Variants in NHS observed in about 807,000 individuals in gnomAD.
NHS encodes actin remodeling regulator NHS.
A neutral mutation model predicts 72.5 loss-of-function variants in NHS; 5 were observed. The ratio of observed to expected loss-of-function variants is 0.07; its 90% CI spans 0.04 to 0.14. The LOEUF is 0.14. Ranked by LOEUF, NHS falls within the 10% of genes least tolerant of loss-of-function variation. The pLI is 1.00. For missense variants in NHS, 1,072 were observed against 1,355.7 expected (o/e 0.79, Z 3.29); for synonymous variants, 464 against 547.7 (o/e 0.85, Z 2.13).
Position 17,590,702 on chromosome X carries a change from T to G in NHS, c.566-97040T>G, listed in dbSNP as rs760463680. ...AAGCTGTCTTGCATTGTGCATGTAA[T>G]GATGTGGAAAACACTTATAAAATTA... is the stretch of plus-strand genomic sequence containing the variant. On this transcript the variant is annotated intron_variant, in intron 1 of 8. Coordinates refer to ENST00000676302, the MANE Select transcript of NHS (RefSeq NM_001291867.2). Among the ~76,000 whole-genome samples the G allele has an allele frequency of 3.0e-4, 33 of 111,775 alleles. 1 individual carries two copies. Among genetic ancestry groups the G allele is most frequent in the Admixed American group, 3.8e-4 (4 of 10,516 alleles).
Position 17,486,794 on chromosome X carries a change from T to C in NHS, c.565+110472T>C, listed in dbSNP as rs141929679. On this transcript the variant is annotated intron_variant, in intron 1 of 8. Coordinates refer to ENST00000676302, the MANE Select transcript of NHS (RefSeq NM_001291867.2). ...CAATAAACAAACTACCTACCATTTA[T>C]TGGATGTTACTGTGTGCCAGGCACT... Among the ~76,000 whole-genome samples the C allele has an allele frequency of 1.0e-2, 1,120 of 112,201 alleles. 15 individuals carry two copies. Among genetic ancestry groups the C allele is most frequent in the African/African-American group, 0.034 (1,062 of 30,862 alleles).
intron 1 of NHS, among the ~76,000 whole-genome samples, chrX:17,384,134 C>T (rs759748876): frequency 4.9e-4 from 55 of 112,360 alleles, no homozygotes; most frequent in Non-Finnish European, 9.8e-4. Context: ...CAACACTGAT[C>T]ATGGGCTCAT....
chrX:17,411,609 T>A (rs767054922), intron 1 of NHS, among the ~76,000 whole-genome samples: 42 of 111,835 alleles, frequency 3.8e-4, no homozygotes, highest in African/African-American at 1.1e-3. Context: ...AGATTTTTTT[T>A]AAAAAAAGAA....
intron 1 of NHS, chrX:17,635,395 G>A (rs932204956): frequency 3.5e-6 from 4 of 1,157,731 alleles, no homozygotes; most frequent in East Asian, 3.3e-5. Context: ...GCAGCACAGA[G>A]GTTCTGTGAA....
chrX:17,584,723 G>A (rs1003693947), intron 1 of NHS, among the ~76,000 whole-genome samples: 12 of 111,404 alleles, frequency 1.1e-4, no homozygotes, highest in African/African-American at 3.6e-4. Flanking sequence ...AGTCACTTGA[G>A]GTCCCCTTTT....
intron 1 of NHS, among the ~76,000 whole-genome samples, chrX:17,557,935 G>A: frequency 8.9e-6 from 1 of 111,784 alleles, no homozygotes; most frequent in East Asian, 2.8e-4. Context: ...ATTTATCAGG[G>A]TGAGGGTTTT....
intron 1 of NHS, among the ~76,000 whole-genome samples, chrX:17,627,444 C>T (rs2065803212): frequency 8.9e-6 from 1 of 112,365 alleles, no homozygotes; most frequent in African/African-American, 3.2e-5. Flanking sequence ...TGGCTAGGCA[C>T]AAAATGCCTT....
intron 3 of NHS, among the ~76,000 whole-genome samples, chrX:17,698,052 T>C (rs188637992): frequency 2.5e-4 from 28 of 111,627 alleles, no homozygotes; most frequent in Non-Finnish European, 4.9e-4. Context: ...AATTATAACA[T>C]TTATCAGAGT....
chrX:17,442,261 A>G (rs955629323), intron 1 of NHS, among the ~76,000 whole-genome samples: 3 of 112,566 alleles, frequency 2.7e-5, no homozygotes, highest in Non-Finnish European at 3.7e-5. Flanking sequence ...GTGGGTTGAT[A>G]GAAGAGTGCT....
chrX:17,553,769 G>A (rs1463144615), intron 1 of NHS, among the ~76,000 whole-genome samples: 1 of 111,337 alleles, frequency 9.0e-6, no homozygotes, highest in South Asian at 3.9e-4. Context: ...CGGGGGCGGG[G>A]TAGGGGGGCG....
intron 1 of NHS, among the ~76,000 whole-genome samples, chrX:17,377,539 C>A (rs1216539093): frequency 8.8e-6 from 1 of 113,168 alleles, no homozygotes; most frequent in African/African-American, 3.2e-5. Context: ...GGCCTAGGAG[C>A]GCGCGGGGCG....
intron 1 of NHS, among the ~76,000 whole-genome samples, chrX:17,587,624 G>A (rs2065582258): frequency 8.9e-6 from 1 of 112,593 alleles, no homozygotes; most frequent in African/African-American, 3.2e-5. Flanking sequence ...TTAACAAGCA[G>A]TAAATGAATC....
chrX:17,704,064 G>C (rs1435877341), intron 3 of NHS, among the ~76,000 whole-genome samples: 1 of 110,338 alleles, frequency 9.1e-6, no homozygotes, highest in African/African-American at 3.3e-5. Flanking sequence ...CAGAGAGAGA[G>C]AATGACCTGG....
intron 1 of NHS, among the ~76,000 whole-genome samples, chrX:17,678,293 TGAGAGAGAGA>T (rs756746897): frequency 3.9e-5 from 4 of 101,869 alleles, no homozygotes; most frequent in African/African-American, 1.5e-4. Context: ...TGTGTGTGTG[TGAGAGAGAGA>T]GAGAGAGAGA....
intron 1 of NHS, among the ~76,000 whole-genome samples, chrX:17,451,621 G>A (rs111946208): frequency 0.058 from 6,480 of 111,745 alleles, 500 homozygotes; most frequent in African/African-American, 0.2. Context: ...GAAGAGCAAG[G>A]TTTAGATATA....
chrX:17,662,943 A>G (rs1246162143), intron 1 of NHS, among the ~76,000 whole-genome samples: 1 of 111,934 alleles, frequency 8.9e-6, no homozygotes, highest in Non-Finnish European at 1.9e-5. Flanking sequence ...GGGAATAGGG[A>G]CCTGTGTTTG....
At chrX:17,501,811 T>C (rs1037796232) in intron 1 of NHS, among the ~76,000 whole-genome samples, 7 of 112,406 alleles carry the variant, frequency 6.2e-5, no homozygotes, top group Non-Finnish European at 1.3e-4. Context: ...ATTTCAGATA[T>C]TCCCTTTCAG....
chrX:17,557,519 C>A (rs756200596), intron 1 of NHS: 5 of 110,377 alleles, frequency 4.5e-5, no homozygotes, highest in Admixed American at 9.7e-5. Flanking sequence ...ATTCTTTATA[C>A]CTTTTTGCAT....
At chrX:17,609,566 T>C (rs766786166) in intron 1 of NHS, among the ~76,000 whole-genome samples, 8 of 111,913 alleles carry the variant, frequency 7.1e-5, no homozygotes, top group Non-Finnish European at 1.5e-4. Context: ...ATGGCAGAAA[T>C]TGACTTAATC....
Sources: allele counts gnomAD v4.1 joint callset (sites outside exome capture counted in the v4.1 genomes callset), GRCh38; gene constraint gnomAD v4.1.1; transcripts MANE v1.5; gene names NCBI Gene and HGNC (gene_info 2026-07-23, HGNC 2026-07-21).